Variants in SLC24A2 observed in about 807,000 individuals in gnomAD.
SLC24A2 encodes sodium/potassium/calcium exchanger 2.
SLC24A2 carries 36 observed loss-of-function variants against 62.0 expected under a neutral mutation model. The ratio of observed to expected loss-of-function variants is 0.58; its 90% CI spans 0.44 to 0.77. The LOEUF is 0.77. SLC24A2 is among the 30% of genes least tolerant of loss of function. The probability of loss-of-function intolerance (pLI) is 0.00; values close to 1 mark genes in which losing one functional copy is unlikely to be tolerated. For missense variants in SLC24A2, 846 were observed against 817.9 expected (o/e 1.03, Z -0.42); for synonymous variants, 358 against 294.0 (o/e 1.22, Z -2.23).
At chr9:20,159,239 G>A in the SLC24A2 span, among the ~76,000 whole-genome samples, 1 of 151,628 alleles carries the variant, frequency 6.6e-6, no homozygotes, top group Non-Finnish European at 1.5e-5. Flanking sequence ...CTAGAGCAAT[G>A]TTTCTCAACT....
chr9:19,554,195 G>C (rs564869178), intron 7 of SLC24A2, among the ~76,000 whole-genome samples: 7 of 152,220 alleles, frequency 4.6e-5, no homozygotes, highest in African/African-American at 1.7e-4. Context: ...AGAAGGCAGC[G>C]GCAGCAAGCA....
intron 2 of SLC24A2, among the ~76,000 whole-genome samples, chr9:19,727,298 A>C (rs1336440229): frequency 6.6e-6 from 1 of 152,210 alleles, no homozygotes; most frequent in African/African-American, 2.4e-5. Flanking sequence ...TGAAACAAAA[A>C]AAGAATATTT....
At chr9:19,754,904 C>T (rs1172045433) in intron 2 of SLC24A2, among the ~76,000 whole-genome samples, 2 of 152,144 alleles carry the variant, frequency 1.3e-5, no homozygotes, top group South Asian at 2.1e-4. Context: ...GCCTGCTCCA[C>T]AGGCCTTTCA....
chr9:19,869,186 A>T, the SLC24A2 span, among the ~76,000 whole-genome samples: 4 of 152,010 alleles, frequency 2.6e-5, no homozygotes, highest in Admixed American at 2.6e-4. Context: ...TCCCTATGTT[A>T]CCTAGGCTGA....
the SLC24A2 span, among the ~76,000 whole-genome samples, chr9:19,804,395 C>A: frequency 1.3e-5 from 2 of 152,158 alleles, no homozygotes; most frequent in Middle Eastern, 6.8e-3. Flanking sequence ...TTAATCTTAA[C>A]TAATTTATTA....
At chr9:19,967,350 A>T in the SLC24A2 span, 1 of 152,132 alleles carries the variant, frequency 6.6e-6, no homozygotes, top group African/African-American at 2.4e-5. Flanking sequence ...TGTGTAAGTG[A>T]ACAAACTGGT....
At chr9:20,231,403 A>G in the SLC24A2 span, among the ~76,000 whole-genome samples, 1 of 151,994 alleles carries the variant, frequency 6.6e-6, no homozygotes, top group Admixed American at 6.6e-5. Context: ...AACCTCTTTT[A>G]TTTCATTGAG....
chr9:19,823,080 C>A, the SLC24A2 span, among the ~76,000 whole-genome samples: 2 of 152,176 alleles, frequency 1.3e-5, no homozygotes, highest in Non-Finnish European at 2.9e-5. Context: ...TGGGCATCTG[C>A]TTCTCCAAAG....
chr9:19,755,380 T>C (rs1822110056), intron 2 of SLC24A2, among the ~76,000 whole-genome samples: 1 of 152,120 alleles, frequency 6.6e-6, no homozygotes, highest in Non-Finnish European at 1.5e-5. Context: ...GTTTATCACA[T>C]ATAAGTAAAA....
chr9:19,685,729 CT>C (rs1334700631), intron 2 of SLC24A2, among the ~76,000 whole-genome samples: 1 of 152,068 alleles, frequency 6.6e-6, no homozygotes, highest in Non-Finnish European at 1.5e-5. Flanking sequence ...ATGCAGAAGA[CT>C]GAAACTGGGT....
chr9:20,251,248 T>A, the SLC24A2 span, among the ~76,000 whole-genome samples: 1 of 152,210 alleles, frequency 6.6e-6, no homozygotes, highest in East Asian at 1.9e-4. Flanking sequence ...CTTAGGTGTT[T>A]CCTCTCAGCA....
chr9:20,205,998 C>T, the SLC24A2 span, among the ~76,000 whole-genome samples: 3 of 152,126 alleles, frequency 2.0e-5, no homozygotes, highest in Admixed American at 6.5e-5. Flanking sequence ...GTGGTTCACT[C>T]GGTGAACCAA....
chr9:19,592,501 C>A (rs1317338378), intron 5 of SLC24A2, among the ~76,000 whole-genome samples: 1 of 144,522 alleles, frequency 6.9e-6, no homozygotes, highest in African/African-American at 2.5e-5. Flanking sequence ...TACCCACCTA[C>A]CTACCTACCT....
At chr9:20,135,586 A>T in the SLC24A2 span, among the ~76,000 whole-genome samples, 1 of 152,138 alleles carries the variant, frequency 6.6e-6, no homozygotes, top group Non-Finnish European at 1.5e-5. Flanking sequence ...AGAGTTTATC[A>T]CTGTGCCTGA....
Position 19,511,520 on chromosome 9 carries a change from C to G in SLC24A2, c.*4633G>C, listed in dbSNP as rs1832715732. ...TCTTGGAATCCTAGGAAATTAATAT[C>G]TCCTTTCTTCCCTTTCCTTATTATT... is the stretch of plus-strand genomic sequence containing the variant. On this transcript the variant is annotated 3_prime_UTR_variant, in exon 11 of 11. Coordinates refer to ENST00000341998, the MANE Select transcript of SLC24A2 (RefSeq NM_020344.4). 6.6e-6 allele frequency: 1 copy of G among 152,210 alleles called. No individual in the cohort carries two copies. Among genetic ancestry groups the G allele is most frequent in the African/African-American group, 2.4e-5 (1 of 41,454 alleles). 9.4% of individuals were successfully genotyped at this position (152,210 alleles called of 1,614,324 possible).
chr9:20,176,306 A>T, the SLC24A2 span, among the ~76,000 whole-genome samples: 1 of 152,078 alleles, frequency 6.6e-6, no homozygotes, highest in Middle Eastern at 3.2e-3. Context: ...GGAAAAGGTC[A>T]AATGATTTAT....
At chr9:20,037,630 A>T in the SLC24A2 span, among the ~76,000 whole-genome samples, 54,834 of 152,066 alleles carry the variant, frequency 0.36, 11,290 homozygotes, top group East Asian at 0.88. Flanking sequence ...CATGGTCCCA[A>T]ATAGACTATT....
At chr9:19,528,671 CAAGA>C (rs1586896582) in intron 8 of SLC24A2, among the ~76,000 whole-genome samples, 1 of 152,098 alleles carries the variant, frequency 6.6e-6, no homozygotes, top group East Asian at 1.9e-4. Flanking sequence ...CACAAATTAT[CAAGA>C]AAGTCACACA....
At chr9:20,115,888 G>A in the SLC24A2 span, among the ~76,000 whole-genome samples, 12 of 152,276 alleles carry the variant, frequency 7.9e-5, no homozygotes, top group South Asian at 2.3e-3. Flanking sequence ...CATCAGACTA[G>A]AATCTAATTG....
Sources: gnomAD v4.1 joint callset for allele counts (sites outside exome capture counted in the v4.1 genomes callset) on GRCh38, gnomAD v4.1.1 for gene constraint, MANE v1.5 for transcripts, NCBI Gene and HGNC (gene_info 2026-07-23, HGNC 2026-07-21) for gene names.